The following GRID2 variants were observed in gnomAD, a reference collection of about 807,000 sequenced individuals.
GRID2 encodes the protein glutamate receptor ionotropic, delta-2.
Under a neutral mutation model 114.8 loss-of-function variants are expected in GRID2, and 33 were observed. The ratio of observed to expected loss-of-function variants is 0.29; its 90% CI spans 0.22 to 0.38. The LOEUF (loss-of-function observed/expected upper bound fraction) is 0.38. GRID2 is among the 10% of genes least tolerant of loss of function. The pLI is 1.00. For missense variants in GRID2, 1,184 were observed against 1,257.7 expected, an observed-to-expected ratio of 0.94 and a Z score of 0.89; for synonymous variants, 505 against 449.9, an observed-to-expected ratio of 1.12 and a Z score of -1.55.
chr4:92,777,696 T>C (rs745987426), intron 2 of GRID2, among the ~76,000 whole-genome samples: 1 of 148,154 alleles, frequency 6.7e-6, no homozygotes, highest in Non-Finnish European at 1.5e-5. Flanking sequence ...CCAATGTCCT[T>C]ATAAGAAGAG....
chr4:93,593,872 C>A (rs2149621821), intron 13 of GRID2, among the ~76,000 whole-genome samples: 1 of 152,168 alleles, frequency 6.6e-6, no homozygotes, highest in East Asian at 1.9e-4. Context: ...CTGCATTCTT[C>A]ACGTAGTTCT....
At chr4:93,775,351 A>G (rs1462121048), downstream of GRID2, among the ~76,000 whole-genome samples, 2 of 152,134 alleles carry the variant, frequency 1.3e-5, no homozygotes, top group Non-Finnish European at 2.9e-5. Flanking sequence ...AAACTCTGCC[A>G]CCCTTCAATC....
At chr4:93,149,609 G>A (rs935176632) in intron 4 of GRID2, among the ~76,000 whole-genome samples, 6 of 151,386 alleles carry the variant, frequency 4.0e-5, no homozygotes, top group Non-Finnish European at 7.4e-5. Flanking sequence ...CAACCTGGAT[G>A]TTTAGCTTCA....
At chr4:92,324,033 C>T (rs1169431134) in intron 1 of GRID2, among the ~76,000 whole-genome samples, 2 of 151,874 alleles carry the variant, frequency 1.3e-5, no homozygotes, top group Admixed American at 1.3e-4. Context: ...TACATGGGAT[C>T]CATTTTTACC....
intron 1 of GRID2, among the ~76,000 whole-genome samples, chr4:92,368,905 G>A (rs1251825528): frequency 6.6e-6 from 1 of 150,436 alleles, no homozygotes; most frequent in Non-Finnish European, 1.5e-5. Context: ...GATTTATGCT[G>A]GTTTTAAAGG....
chr4:92,683,696 CAAA>C (rs1337504985), intron 2 of GRID2, among the ~76,000 whole-genome samples: 2 of 149,306 alleles, frequency 1.3e-5, no homozygotes, highest in African/African-American at 2.5e-5. Context: ...CAAAGCAAAA[CAAA>C]AAAGATTAAA....
chr4:93,010,487 G>A (rs1286108249), intron 2 of GRID2, among the ~76,000 whole-genome samples: 1 of 151,988 alleles, frequency 6.6e-6, no homozygotes, highest in African/African-American at 2.4e-5. Flanking sequence ...GGAAAGGGGA[G>A]CTGAGCCTCC....
intron 4 of GRID2, among the ~76,000 whole-genome samples, chr4:93,141,024 T>G (rs1024814325): frequency 6.6e-6 from 1 of 152,192 alleles, no homozygotes; most frequent in African/African-American, 2.4e-5. Flanking sequence ...TCTACAAAGT[T>G]TCAGTACTTC....
At chr4:93,524,559 A>G (rs1184730759) in intron 13 of GRID2, among the ~76,000 whole-genome samples, 1 of 151,882 alleles carries the variant, frequency 6.6e-6, no homozygotes, top group Non-Finnish European at 1.5e-5. Context: ...CCTCATGGAT[A>G]TTTGAAATCA....
intron 4 of GRID2, among the ~76,000 whole-genome samples, chr4:93,116,501 CT>C (rs1439631484): frequency 1.3e-5 from 2 of 152,052 alleles, no homozygotes; most frequent in Non-Finnish European, 2.9e-5. Flanking sequence ...ACTTTTCTTA[CT>C]TTTTTCTTCA....
intron 6 of GRID2, among the ~76,000 whole-genome samples, chr4:93,220,858 A>G (rs999015295): frequency 3.3e-5 from 5 of 152,208 alleles, no homozygotes; most frequent in Non-Finnish European, 7.3e-5. Context: ...GTGAATGAAG[A>G]TGAATAAAAC....
chr4:92,431,316 G>T (rs1417965382), intron 1 of GRID2, among the ~76,000 whole-genome samples: 1 of 152,090 alleles, frequency 6.6e-6, no homozygotes, highest in Non-Finnish European at 1.5e-5. Flanking sequence ...GTCATGAAGG[G>T]ATGTTGAATT....
intron 14 of GRID2, among the ~76,000 whole-genome samples, chr4:93,665,892 T>G (rs1723907412): frequency 6.6e-6 from 1 of 152,148 alleles, no homozygotes; most frequent in Non-Finnish European, 1.5e-5. Flanking sequence ...ATATGAAACC[T>G]TACTCAGTTT....
intron 2 of GRID2, among the ~76,000 whole-genome samples, chr4:92,612,765 T>C (rs1729817549): frequency 6.6e-6 from 1 of 151,474 alleles, no homozygotes; most frequent in Non-Finnish European, 1.5e-5. Flanking sequence ...ACTCTATTTT[T>C]TGTATTTTGA....
At chr4:92,755,419 C>T (rs1024055126) in intron 2 of GRID2, among the ~76,000 whole-genome samples, 1 of 151,878 alleles carries the variant, frequency 6.6e-6, no homozygotes, top group Admixed American at 6.6e-5. Context: ...AGTACTATTA[C>T]CAAAGAATAA....
At chr4:93,741,544 G>C (rs1365613924) in intron 14 of GRID2, among the ~76,000 whole-genome samples, 1 of 152,068 alleles carries the variant, frequency 6.6e-6, no homozygotes, top group Admixed American at 6.6e-5. Flanking sequence ...ATAATGAAAT[G>C]CTGGCATTAA....
chr4:93,167,487 C>T (rs1738365299), intron 4 of GRID2, among the ~76,000 whole-genome samples: 1 of 151,990 alleles, frequency 6.6e-6, no homozygotes, highest in Non-Finnish European at 1.5e-5. Context: ...AGGTCTCTTC[C>T]CTGAATGTGC....
chr4:93,452,046 G>A (rs1410151085), intron 10 of GRID2, among the ~76,000 whole-genome samples: 1 of 152,154 alleles, frequency 6.6e-6, no homozygotes, highest in Admixed American at 6.5e-5. Context: ...ATTGTGTGTA[G>A]ATGGGGACAA....
In GRID2 at chr4:92,831,121, C is replaced by T. The variant is rs538279164; in HGVS notation, c.244+240835C>T. Among the ~76,000 whole-genome samples, 4 of 152,224 alleles carry T rather than the reference C, an allele frequency of 2.6e-5. No individual in the cohort carries two copies. In the East Asian group the frequency reaches 7.7e-4, roughly 29 times the overall value. ...TAAATTGTTACTATATAAGAAGATT[C>T]TAGGATTTTTTCCCACTCTGAATTT... On this transcript the variant is annotated intron_variant, in intron 2 of 15. Transcript: ENST00000282020.
Sources: gnomAD v4.1 joint callset for allele counts (sites outside exome capture counted in the v4.1 genomes callset) on GRCh38, gnomAD v4.1.1 for gene constraint, MANE v1.5 for transcripts, NCBI Gene and HGNC (gene_info 2026-07-23, HGNC 2026-07-21) for gene names.